The following CIT variants were observed in gnomAD, a reference collection of about 807,000 sequenced individuals.
The protein encoded by CIT is citron Rho-interacting kinase.
A neutral mutation model predicts 272.7 loss-of-function variants in CIT; 79 were observed. The ratio of observed to expected loss-of-function variants is 0.29; its 90% confidence interval spans 0.24 to 0.35. The LOEUF is 0.35. Ranked by LOEUF, CIT falls within the 10% of genes least tolerant of loss-of-function variation. CIT has a pLI of 1.00. For synonymous variants in CIT, 948 were observed against 995.6 expected, an observed-to-expected ratio of 0.95 and a Z score of 0.90; for missense variants, 1,909 against 2,618.3, an observed-to-expected ratio of 0.73 and a Z score of 5.91.
intron 4 of CIT, 69 bp from the exon 5 acceptor site, chr12:119,850,344 G>A (rs1970122611): frequency 1.3e-6 from 1 of 784,228 alleles, no homozygotes; most frequent in Admixed American, 2.3e-5. Context: ...CTTTTCCTCT[G>A]TCTTTATGCC....
chr12:119,741,021 C>A (rs866992532), intron 24 of CIT, among the ~76,000 whole-genome samples: 7 of 152,150 alleles, frequency 4.6e-5, no homozygotes, highest in African/African-American at 1.7e-4. Context: ...GTGCTCACAG[C>A]CACCAAAGGC....
chr12:119,790,617 A>G (rs147593587), intron 10 of CIT, among the ~76,000 whole-genome samples: 70 of 152,280 alleles, frequency 4.6e-4, no homozygotes, highest in Non-Finnish European at 1.3e-4. Flanking sequence ...GAGACAGAGA[A>G]GAGAATATAA....
chr12:119,871,509 C>T (rs1188241883), intron 2 of CIT, among the ~76,000 whole-genome samples: 1 of 152,104 alleles, frequency 6.6e-6, no homozygotes, highest in African/African-American at 2.4e-5. Context: ...CCCTCCCCCA[C>T]AACCAAATGA....
chr12:119,851,107 CAG>C (rs768202696), intron 4 of CIT, among the ~76,000 whole-genome samples: 9 of 152,106 alleles, frequency 5.9e-5, no homozygotes, highest in Admixed American at 1.3e-4. Flanking sequence ...TTTGTAGAGA[CAG>C]AGTCTCTCTC....
At chr12:119,819,168 T>C (rs989493678) in intron 9 of CIT, among the ~76,000 whole-genome samples, 1 of 152,058 alleles carries the variant, frequency 6.6e-6, no homozygotes, top group African/African-American at 2.4e-5. Context: ...TAATAATAAA[T>C]AAGCAGCTGA....
At chr12:119,704,602 G>T in intron 40 of CIT, 147 bp from the exon 41 acceptor site, 1 of 682,062 alleles carries the variant, frequency 1.5e-6, no homozygotes, top group East Asian at 2.7e-5. Flanking sequence ...CCTGGGCATC[G>T]CAGGATATGA....
chr12:119,805,058 C>T lies in CIT; in HGVS notation c.1112-1669G>A, dbSNP rs536749604. 1.4e-4 allele frequency among the ~76,000 whole-genome samples: 20 copies of T among 139,826 alleles called. No individual in the cohort carries two copies. The South Asian group carries it at 4.1e-3, about 29-fold the overall frequency. The allele number at this position is 139,826 out of a possible 152,430, so 91.7% of individuals were successfully genotyped here. A position where few individuals can be genotyped will look rare whatever the true frequency, so the allele number is the denominator to read the frequency against. On this transcript the variant is annotated intron_variant, in intron 9 of 47. Transcript: ENST00000392521. ...CAAATCCAATCTGGTTTCAATTATC[C>T]GGTACCTTTTTTAATAGCAAAAAAA...
In CIT at chr12:119,687,672, C is replaced by T. The variant is rs1955653419; in HGVS notation, c.*560G>A. The T allele has an allele frequency of 6.6e-6, 1 of 151,862 alleles. No homozygotes were observed. The highest frequency in any genetic ancestry group is 1.5e-5 in the Non-Finnish European group (1 of 68,054). The allele number at this position is 151,862 out of a possible 1,614,324, so 9.4% of individuals were successfully genotyped here. A position where few individuals can be genotyped will look rare whatever the true frequency, so the allele number is the denominator to read the frequency against. On this transcript the variant is annotated 3_prime_UTR_variant, in exon 48 of 48. Coordinates refer to ENST00000392521, the MANE Select transcript of CIT (RefSeq NM_001206999.2). ...ACCTACTTGGCTGCGGGAGGTTGGC[C>T]AACTGACCGGGACTGTTCTACACTA...
chr12:119,774,287 T>G (rs950529141), intron 16 of CIT, among the ~76,000 whole-genome samples: 6 of 139,328 alleles, frequency 4.3e-5, no homozygotes, highest in Non-Finnish European at 9.1e-5. Flanking sequence ...TGTTATGTGG[T>G]TTTTTTTTTT....
At chr12:119,834,919 T>C (rs907552440) in intron 5 of CIT, among the ~76,000 whole-genome samples, 10 of 152,146 alleles carry the variant, frequency 6.6e-5, no homozygotes, top group Admixed American at 2.6e-4. Flanking sequence ...GACAAAGATA[T>C]TAAAAACAAA....
intron 40 of CIT, among the ~76,000 whole-genome samples, chr12:119,705,961 G>C (rs564822853): frequency 1.3e-5 from 2 of 149,988 alleles, no homozygotes. Flanking sequence ...GTGATGGTGC[G>C]TGCCTGTAGT....
chr12:119,772,713 T>G lies in CIT; in HGVS notation c.2082+57A>C, dbSNP rs548454832. On this transcript the variant is annotated intron_variant, in intron 17 of 47. Transcript: ENST00000392521. ...AGTGATGGTCTGGCAGTTTCTTTCC[T>G]TGGGCACAGCCAAAGGCCGAGGCCG... The G allele has an allele frequency of 2.0e-6, 3 of 1,500,478 alleles. No individual in the cohort carries two copies. In the South Asian group the frequency reaches 4.0e-5, roughly 20 times the overall value. 92.9% of individuals were successfully genotyped at this position (1,500,478 alleles called of 1,614,324 possible).
rs76649592 is a variant in CIT, at chr12:119,835,653, C to T, written c.517-1425G>A. Among the ~76,000 whole-genome samples the T allele has an allele frequency of 1.9e-3, 293 of 152,238 alleles. 1 individual carries two copies. Among genetic ancestry groups the T allele is most frequent in the African/African-American group, 6.6e-3 (273 of 41,540 alleles). On this transcript the variant is annotated intron_variant, in intron 5 of 47. Transcript: ENST00000392521. ...AACTACTGCATTCCAAAAGCCAACT[C>T]GGGGATGTGAATTCTCACCATCATC...
intron 2 of CIT, among the ~76,000 whole-genome samples, chr12:119,869,525 C>G (rs1950607454): frequency 6.6e-6 from 1 of 152,208 alleles, no homozygotes. Flanking sequence ...CTGGCTCTGA[C>G]ATGCTTCCAT....
At chr12:119,758,498 C>T in intron 21 of CIT, 93 bp downstream of exon 21, 2 of 820,288 alleles carry the variant, frequency 2.4e-6, no homozygotes, top group South Asian at 1.4e-5. Context: ...ATTCAATCCA[C>T]TCCAGCTCCA....
chr12:119,849,789 G>A (rs1046347422), intron 5 of CIT, among the ~76,000 whole-genome samples: 48 of 151,552 alleles, frequency 3.2e-4, no homozygotes, highest in African/African-American at 1.1e-3. Flanking sequence ...AGGTTCAAGC[G>A]ATTGTCCTGC....
intron 7 of CIT, among the ~76,000 whole-genome samples, chr12:119,832,227 C>G (rs1315983086): frequency 6.6e-6 from 1 of 152,168 alleles, no homozygotes; most frequent in Non-Finnish European, 1.5e-5. Flanking sequence ...CTAAAGTAGT[C>G]TCACTCTTGA....
chr12:119,698,199 G>A (rs1956337156), intron 44 of CIT, 145 bp from the exon 45 acceptor site: 2 of 709,782 alleles, frequency 2.8e-6, no homozygotes, highest in East Asian at 2.6e-5. Flanking sequence ...CGCCAGAACA[G>A]TCATGCATGT....
intron 7 of CIT, among the ~76,000 whole-genome samples, chr12:119,826,960 A>C (rs1254720966): frequency 6.6e-6 from 1 of 152,088 alleles, no homozygotes; most frequent in Non-Finnish European, 1.5e-5. Context: ...CTTGAATCTC[A>C]TCCATTCCTC....
Sources: gnomAD v4.1 joint callset for allele counts (sites outside exome capture counted in the v4.1 genomes callset) on GRCh38, gnomAD v4.1.1 for gene constraint, MANE v1.5 for transcripts, NCBI Gene and HGNC (gene_info 2026-07-23, HGNC 2026-07-21) for gene names.